The following PTPRD variants were observed in gnomAD, a reference collection of about 807,000 sequenced individuals.
PTPRD encodes the protein receptor-type tyrosine-protein phosphatase delta.
A neutral mutation model predicts 214.5 loss-of-function variants in PTPRD; 34 were observed. That is an observed-to-expected ratio of 0.16 (90% confidence interval 0.12 to 0.21). The LOEUF is 0.21. PTPRD is among the 10% of genes least tolerant of loss of function. PTPRD has a pLI of 1.00. For missense variants in PTPRD, 2,545 were observed against 2,398.7 expected (o/e 1.06, Z -1.27); for synonymous variants, 1,128 against 845.7 (o/e 1.33, Z -5.79).
chr9:10,604,632 G>T (rs552010393), intron 2 of PTPRD, among the ~76,000 whole-genome samples: 5 of 151,830 alleles, frequency 3.3e-5, no homozygotes, highest in African/African-American at 9.6e-5. Flanking sequence ...AACCACATAT[G>T]TTTCCTAGGA....
At chr9:10,602,771 G>A (rs187302350) in intron 2 of PTPRD, among the ~76,000 whole-genome samples, 9 of 151,872 alleles carry the variant, frequency 5.9e-5, no homozygotes, top group Admixed American at 5.9e-4. Context: ...TTTCTTTGCT[G>A]ATTATAATCA....
At chr9:9,268,345 C>T (rs905504111) in intron 9 of PTPRD, among the ~76,000 whole-genome samples, 8 of 146,676 alleles carry the variant, frequency 5.5e-5, no homozygotes, top group Non-Finnish European at 9.1e-5. Context: ...TATAAGACAT[C>T]GATGAAAGAA....
At position 10,388,740 on chromosome 9, in the gene PTPRD, T is replaced by G. The variant is rs533148783; in HGVS notation, c.-599-47723A>C. ...GTGACCTTAGTCATGTCACTTAACTTTGATAAGTTAGTTTCTTCCTCTTTA... is the reference window on the plus strand; with the variant it reads ...GTGACCTTAGTCATGTCACTTAACTGTGATAAGTTAGTTTCTTCCTCTTTA... On this transcript the variant is annotated intron_variant, in intron 2 of 45. Coordinates refer to ENST00000381196, the MANE Select transcript of PTPRD (RefSeq NM_002839.4). 2.6e-5 allele frequency among the ~76,000 whole-genome samples: 4 copies of G among 151,916 alleles called. No homozygotes were observed. The South Asian group carries it at 8.3e-4, about 32-fold the overall frequency.
intron 8 of PTPRD, among the ~76,000 whole-genome samples, chr9:9,552,082 A>T (rs2080414576): frequency 6.6e-6 from 1 of 152,030 alleles, no homozygotes; most frequent in South Asian, 2.1e-4. Context: ...CTCTCCTCTC[A>T]CTTTCATAAT....
intron 4 of PTPRD, among the ~76,000 whole-genome samples, chr9:10,004,788 G>C (rs1382121896): frequency 6.6e-6 from 1 of 152,082 alleles, no homozygotes; most frequent in Admixed American, 6.6e-5. Context: ...GTTTACAGTA[G>C]TGTATTCAAT....
At chr9:10,004,872 T>C (rs1386024768) in intron 4 of PTPRD, among the ~76,000 whole-genome samples, 1 of 152,178 alleles carries the variant, frequency 6.6e-6, no homozygotes, top group Admixed American at 6.6e-5. Context: ...CAGGGTTTAC[T>C]ATTCACTCAT....
chr9:10,509,561 A>ATTTT (rs1364961673), intron 2 of PTPRD, among the ~76,000 whole-genome samples: 3 of 36,836 alleles, frequency 8.1e-5, no homozygotes, highest in Non-Finnish European at 2.7e-4. Context: ...TAAATATTAT[A>ATTTT]TATATATATA....
At chr9:8,927,219 T>C (rs1057055702) in intron 11 of PTPRD, among the ~76,000 whole-genome samples, 3 of 152,140 alleles carry the variant, frequency 2.0e-5, no homozygotes, top group African/African-American at 7.2e-5. Flanking sequence ...TTTTCTCATA[T>C]TTATTTATTT....
At chr9:9,667,370 T>G (rs1594736268) in intron 7 of PTPRD, among the ~76,000 whole-genome samples, 1 of 152,150 alleles carries the variant, frequency 6.6e-6, no homozygotes. Flanking sequence ...TTTCTTATAG[T>G]GCTCAACTAC....
rs59724909 is a variant in PTPRD at position 10,605,743 on chromosome 9, G to A, written c.-600+6655C>T. Among the ~76,000 whole-genome samples, 1,025 of 151,926 alleles carry A rather than the reference G, an allele frequency of 6.7e-3. 19 individuals carry two copies. Among genetic ancestry groups the A allele is most frequent in the African/African-American group, 0.023 (964 of 41,474 alleles). On this transcript the variant is annotated intron_variant, in intron 2 of 45. Coordinates refer to ENST00000381196, the MANE Select transcript of PTPRD (RefSeq NM_002839.4). ...ATGGAATCAAAAATTTTATGATAAC[G>A]TGGATACATTTTATAAGACCATAAG...
At chr9:10,045,411 T>C (rs2097370163) in intron 3 of PTPRD, among the ~76,000 whole-genome samples, 1 of 151,734 alleles carries the variant, frequency 6.6e-6, no homozygotes, top group Non-Finnish European at 1.5e-5. Context: ...CCGTATTTTC[T>C]ATATCTGTAC....
chr9:8,638,103 C>A (rs75239592), intron 12 of PTPRD, among the ~76,000 whole-genome samples: 2 of 127,034 alleles, frequency 1.6e-5, no homozygotes. Flanking sequence ...GCTGTTCCTT[C>A]TTTTTTTTTT....
chr9:9,070,704 G>C (rs2099742456), intron 10 of PTPRD, among the ~76,000 whole-genome samples: 1 of 152,126 alleles, frequency 6.6e-6, no homozygotes, highest in East Asian at 1.9e-4. Context: ...CTCATTTGAA[G>C]ATCCTATAAT....
chr9:8,470,257 C>A (rs2096626237), intron 31 of PTPRD, among the ~76,000 whole-genome samples: 1 of 152,064 alleles, frequency 6.6e-6, no homozygotes, highest in African/African-American at 2.4e-5. Context: ...ACTTCTGGAT[C>A]ATATTTTCTT....
intron 14 of PTPRD, among the ~76,000 whole-genome samples, chr9:8,539,500 AT>A (rs912479759): frequency 1.3e-5 from 2 of 151,886 alleles, no homozygotes; most frequent in African/African-American, 4.8e-5. Flanking sequence ...AATTTTAACT[AT>A]TTTTAAAATA....
At chr9:9,294,228 C>G (rs2134266139) in intron 9 of PTPRD, among the ~76,000 whole-genome samples, 1 of 151,788 alleles carries the variant, frequency 6.6e-6, no homozygotes, top group East Asian at 1.9e-4. Context: ...TTTCCACTTA[C>G]TATTTCAGAT....
intron 2 of PTPRD, among the ~76,000 whole-genome samples, chr9:10,351,100 G>C (rs971534555): frequency 2.6e-5 from 4 of 152,052 alleles, no homozygotes; most frequent in Non-Finnish European, 5.9e-5. Context: ...GATACATAAA[G>C]TCACTTTATA....
intron 7 of PTPRD, among the ~76,000 whole-genome samples, chr9:9,631,940 G>C (rs1302010658): frequency 6.6e-6 from 1 of 152,138 alleles, no homozygotes; most frequent in Non-Finnish European, 1.5e-5. Context: ...TCTCTAAGAA[G>C]CTCACCAGGT....
At chr9:8,923,500 G>A (rs775264907) in intron 11 of PTPRD, among the ~76,000 whole-genome samples, 1 of 152,000 alleles carries the variant, frequency 6.6e-6, no homozygotes, top group Non-Finnish European at 1.5e-5. Flanking sequence ...AAGATGAGGA[G>A]GTCAAAGGAT....
Sources: allele counts gnomAD v4.1 joint callset (sites outside exome capture counted in the v4.1 genomes callset), GRCh38; gene constraint gnomAD v4.1.1; transcripts MANE v1.5; gene names NCBI Gene and HGNC (gene_info 2026-07-23, HGNC 2026-07-21).